Variants in ZNF93 observed in about 807,000 individuals in gnomAD.
The protein encoded by ZNF93 is zinc finger protein 93, also known as zinc finger protein 505.
In ZNF93, 29 loss-of-function variants were observed where a neutral mutation model predicts 45.0. The observed-to-expected ratio is 0.64, with a 90% CI of 0.48 to 0.88. The LOEUF (loss-of-function observed/expected upper bound fraction) is 0.88, where lower values mean the gene tolerates loss of function less well. ZNF93 is among the 40% of genes least tolerant of loss of function. ZNF93 has a pLI of 0.00. For synonymous variants in ZNF93, 223 were observed against 244.6 expected (o/e 0.91, Z 0.82); for missense variants, 578 against 724.0 (o/e 0.80, Z 2.31).
chr19:19,905,583 T>G (rs1170190940), intron 1 of ZNF93, among the ~76,000 whole-genome samples: 1 of 152,192 alleles, frequency 6.6e-6, no homozygotes, highest in Non-Finnish European at 1.5e-5. Context: ...ATGTTTATGT[T>G]CCATATTTTG....
chr19:19,918,205 G>GT lies in ZNF93; in HGVS notation c.226+1556dup, dbSNP rs1229004132. On this transcript the variant is annotated intron_variant, in intron 3 of 3. Coordinates refer to ENST00000343769, the MANE Select transcript of ZNF93 (RefSeq NM_031218.4). ...TATGAATGAGAACATGCGGTGTTTG[G>GT]TTTTTTGTCCTTGCGATAGTTTGCT... Among the ~76,000 whole-genome samples the GT allele has an allele frequency of 2.0e-5, 3 of 151,930 alleles. No homozygotes were observed. In the South Asian group the frequency reaches 6.3e-4, roughly 32 times the overall value.
intron 1 of ZNF93, among the ~76,000 whole-genome samples, chr19:19,906,978 A>C (rs970871802): frequency 6.7e-5 from 10 of 149,562 alleles, no homozygotes; most frequent in East Asian, 5.8e-4. Flanking sequence ...GGTGTCCAAG[A>C]GTTCAAAAAT....
chr19:19,930,046 G>A (rs1333487563), intron 3 of ZNF93, among the ~76,000 whole-genome samples: 6 of 151,366 alleles, frequency 4.0e-5, no homozygotes, highest in African/African-American at 7.3e-5. Flanking sequence ...CGTGGAGACC[G>A]ATAGTGGCCC....
chr19:19,913,621 A>G (rs1169011876), intron 1 of ZNF93, among the ~76,000 whole-genome samples: 1 of 152,094 alleles, frequency 6.6e-6, no homozygotes, highest in Non-Finnish European at 1.5e-5. Context: ...TTATATTTTT[A>G]TCTTCATGGA....
At chr19:19,910,223 GA>G (rs111956117) in intron 1 of ZNF93, among the ~76,000 whole-genome samples, 19,132 of 150,710 alleles carry the variant, frequency 0.13, 2,199 homozygotes, top group African/African-American at 0.29. Context: ...AGATTTGGGG[GA>G]AAAAAAAACT....
chr19:19,927,323 A>C (rs1004095151), intron 3 of ZNF93: 2 of 397,488 alleles, frequency 5.0e-6, no homozygotes, highest in East Asian at 7.1e-5. Flanking sequence ...GTGCCACTAC[A>C]CTCCAGCTTG....
chr19:19,917,195 T>G (rs1315329115), intron 3 of ZNF93, among the ~76,000 whole-genome samples: 1 of 152,192 alleles, frequency 6.6e-6, no homozygotes, highest in Non-Finnish European at 1.5e-5. Context: ...CTTTGGCTAT[T>G]CACACTTTTA....
chr19:19,917,804 C>T (rs899430788), intron 3 of ZNF93, among the ~76,000 whole-genome samples: 3 of 152,258 alleles, frequency 2.0e-5, no homozygotes, highest in Middle Eastern at 3.4e-3. Context: ...GCATGAGCCA[C>T]CACGCCTAGC....
At chr19:19,920,334 G>A (rs2063339501) in intron 3 of ZNF93, among the ~76,000 whole-genome samples, 1 of 152,188 alleles carries the variant, frequency 6.6e-6, no homozygotes, top group African/African-American at 2.4e-5. Flanking sequence ...TTTTTGATGT[G>A]TTGCTGGATT....
chr19:19,912,710 A>T (rs576164591), intron 1 of ZNF93, among the ~76,000 whole-genome samples: 113 of 152,294 alleles, frequency 7.4e-4, no homozygotes, highest in African/African-American at 2.6e-3. Context: ...ATTTTTTAAA[A>T]AATTTGATGA....
chr19:19,912,817 A>T (rs2063313112), intron 1 of ZNF93, among the ~76,000 whole-genome samples: 1 of 152,234 alleles, frequency 6.6e-6, no homozygotes. Context: ...AAGAGAATTA[A>T]ATCATATAAT....
In ZNF93 at chr19:19,920,210, A is replaced by T. The variant is rs186136469; in HGVS notation, c.226+3555A>T. On this transcript the variant is annotated intron_variant, in intron 3 of 3. Coordinates refer to ENST00000343769, the MANE Select transcript of ZNF93 (RefSeq NM_031218.4). ...CTTTTCTGCAGCTATTGAGATAATCATGTGGTTTTTGTTGTTGGTTCTGTT... is the reference window on the plus strand; with the variant it reads ...CTTTTCTGCAGCTATTGAGATAATCTTGTGGTTTTTGTTGTTGGTTCTGTT... Among the ~76,000 whole-genome samples, 9 of 152,262 alleles carry T rather than the reference A, an allele frequency of 5.9e-5. No individual in the cohort carries two copies. The East Asian group carries it at 1.7e-3, about 29-fold the overall frequency.
chr19:19,913,118 T>G (rs536557728), intron 1 of ZNF93, among the ~76,000 whole-genome samples: 99 of 152,280 alleles, frequency 6.5e-4, no homozygotes, highest in Non-Finnish European at 1.1e-3. Flanking sequence ...AATGAGCCAG[T>G]GGGGAGCAAC....
intron 1 of ZNF93, among the ~76,000 whole-genome samples, chr19:19,910,231 A>T (rs916227257): frequency 6.6e-6 from 1 of 152,254 alleles, no homozygotes; most frequent in Admixed American, 6.5e-5. Flanking sequence ...GGGAAAAAAA[A>T]ACTTACCTAA....
rs1017211533 is a variant in ZNF93 at position 19,932,009 on chromosome 19, T to C, written c.227-1173T>C. ...TTATTTTATATGGTGTATCTACAGGTGCACGCCTGTTATCCCAGCACTTTG... is the reference window on the plus strand; with the variant it reads ...TTATTTTATATGGTGTATCTACAGGCGCACGCCTGTTATCCCAGCACTTTG... On this transcript the variant is annotated intron_variant, in intron 3 of 3. Coordinates refer to ENST00000343769, the MANE Select transcript of ZNF93 (RefSeq NM_031218.4). 1.3e-4 allele frequency: 50 copies of C among 374,994 alleles called. 1 individual carries two copies. The highest frequency in any genetic ancestry group is 6.3e-4 in the Admixed American group (18 of 28,628). 23.2% of individuals were successfully genotyped at this position (374,994 alleles called of 1,614,324 possible).
intron 2 of ZNF93, 148 bp from the exon 3 acceptor site, chr19:19,916,412 T>C (rs951506367): frequency 5.5e-5 from 37 of 673,074 alleles, no homozygotes; most frequent in Non-Finnish European, 8.4e-5. Context: ...GAAAGTATTG[T>C]TTAAATATCT....
rs762237950 is a variant in ZNF93, at chr19:19,934,208, G to A, written c.1253G>A (p.Ser418Asn). The change falls in exon 4 of 4, where the codon AGT becomes AAT. Residue 418 changes from serine (S) to asparagine (N), a missense_variant. Ser to Asn is a conservative substitution (Grantham distance 46). Coordinates refer to ENST00000343769, the MANE Select transcript of ZNF93 (RefSeq NM_031218.4). ...TCTACCCTTAGTTCACATAAGAGAA[G>A]TCATACTGGAGAGAAACCCTACAAA... The part of the protein sequence containing the change: ...YSSTLSSHKR[S>N]HTGEKPYKCE... 7 of 1,591,832 alleles carry A rather than the reference G, an allele frequency of 4.4e-6. No individual in the cohort carries two copies. Among genetic ancestry groups the A allele is most frequent in the Admixed American group, 3.5e-5 (2 of 57,134 alleles).
rs572450698 is a variant in ZNF93 at position 19,901,466 on chromosome 19, C to T, written c.3+375C>T. 2.2e-3 allele frequency among the ~76,000 whole-genome samples: 330 copies of T among 152,276 alleles called. 3 individuals are homozygous for T. The highest frequency in any genetic ancestry group is 7.5e-3 in the African/African-American group (312 of 41,568). ...CTTTAGTGGGTTGGGTTCACAGTTT[C>T]TCTTTTCTCCTATTAAAAATTTATG... On this transcript the variant is annotated intron_variant, in intron 1 of 3. Transcript: ENST00000343769.
At chr19:19,915,498 A>G in intron 2 of ZNF93, 92 bp downstream of exon 2, 5 of 1,484,452 alleles carry the variant, frequency 3.4e-6, no homozygotes, top group Non-Finnish European at 4.5e-6. Context: ...TATTCTTTGC[A>G]TAAAGGAGTT....
Sources: gnomAD v4.1 joint callset for allele counts (sites outside exome capture counted in the v4.1 genomes callset) on GRCh38, gnomAD v4.1.1 for gene constraint, MANE v1.5 for transcripts, NCBI Gene and HGNC (gene_info 2026-07-23, HGNC 2026-07-21) for gene names.